The following FGF14 variants were observed in gnomAD, a reference collection of about 807,000 sequenced individuals.
FGF14 encodes fibroblast growth factor 14.
A neutral mutation model predicts 25.5 loss-of-function variants in FGF14; 5 were observed. The ratio of observed to expected loss-of-function variants is 0.20; its 90% confidence interval spans 0.10 to 0.41. The LOEUF (loss-of-function observed/expected upper bound fraction) is 0.41, where lower values mean the gene tolerates loss of function less well. Among genes scored for constraint, FGF14 ranks in the 10% least tolerant of loss-of-function variants. The probability of loss-of-function intolerance (pLI) is 1.00; values close to 1 mark genes in which losing one functional copy is unlikely to be tolerated. For missense variants in FGF14, 222 were observed against 320.1 expected (o/e 0.69, Z 2.34); for synonymous variants, 138 against 118.3 (o/e 1.17, Z -1.08).
At chr13:102,027,735 A>C (rs935949304) in intron 1 of FGF14, among the ~76,000 whole-genome samples, 1 of 151,966 alleles carries the variant, frequency 6.6e-6, no homozygotes, top group Non-Finnish European at 1.5e-5. Context: ...AGTTTAGGAC[A>C]TTGTTGGAAT....
chr13:101,992,832 G>C (rs1292868488), intron 1 of FGF14, among the ~76,000 whole-genome samples: 1 of 151,818 alleles, frequency 6.6e-6, no homozygotes, highest in Non-Finnish European at 1.5e-5. Flanking sequence ...CCAGGAATTG[G>C]GGAATAATTA....
At chr13:101,773,008 T>C (rs1162964160) in intron 3 of FGF14, among the ~76,000 whole-genome samples, 1 of 152,082 alleles carries the variant, frequency 6.6e-6, no homozygotes, top group African/African-American at 2.4e-5. Flanking sequence ...GAAGCCATTG[T>C]TTTTGATTAA....
chr13:102,240,189 T>C (rs550875303), intron 1 of FGF14, among the ~76,000 whole-genome samples: 1 of 152,304 alleles, frequency 6.6e-6, no homozygotes, highest in African/African-American at 2.4e-5. Context: ...ATAACATATA[T>C]AACTCTCAGC....
chr13:102,017,765 T>C (rs2040422560), intron 1 of FGF14, among the ~76,000 whole-genome samples: 1 of 152,174 alleles, frequency 6.6e-6, no homozygotes, highest in African/African-American at 2.4e-5. Context: ...TTGGAGCTTC[T>C]GGATCTATCC....
chr13:102,218,785 TATATGA>T (rs1285601824), intron 1 of FGF14, among the ~76,000 whole-genome samples: 1 of 152,204 alleles, frequency 6.6e-6, no homozygotes, highest in Non-Finnish European at 1.5e-5. Context: ...TATATGCATT[TATATGA>T]ATATGTAGTA....
intron 1 of FGF14, among the ~76,000 whole-genome samples, chr13:102,095,289 A>T (rs1450503299): frequency 2.6e-5 from 4 of 152,134 alleles, no homozygotes; most frequent in Non-Finnish European, 4.4e-5. Context: ...AGAGTAGAGA[A>T]ATTAACAGAA....
intron 3 of FGF14, among the ~76,000 whole-genome samples, chr13:101,856,252 G>C (rs2044119564): frequency 6.6e-6 from 1 of 151,716 alleles, no homozygotes; most frequent in South Asian, 2.1e-4. Flanking sequence ...CTTTTGAATG[G>C]TTTAAAAGTT....
Position 101,886,770 on chromosome 13 carries a change from G to A in FGF14, c.194-11474C>T, listed in dbSNP as rs559985847. 8.5e-5 allele frequency among the ~76,000 whole-genome samples: 13 copies of A among 152,170 alleles called. No individual in the cohort carries two copies. In the East Asian group the frequency reaches 2.5e-3, roughly 29 times the overall value. On this transcript the variant is annotated intron_variant, in intron 1 of 4. Transcript: ENST00000376143. ...AGAATGGAGACACAACCTACAGAAT[G>A]AGAAAATATTTGCCAACTATCTATC...
At chr13:102,219,438 G>A (rs2050515058) in intron 1 of FGF14, among the ~76,000 whole-genome samples, 1 of 152,150 alleles carries the variant, frequency 6.6e-6, no homozygotes, top group Non-Finnish European at 1.5e-5. Flanking sequence ...CTACTGCTGA[G>A]TGAAATTCTT....
At chr13:102,202,626 T>C (rs1358334997) in intron 1 of FGF14, among the ~76,000 whole-genome samples, 1 of 152,256 alleles carries the variant, frequency 6.6e-6, no homozygotes, top group Non-Finnish European at 1.5e-5. Context: ...CTTAGCAGTA[T>C]GGCTGTTGCT....
chr13:102,386,526 A>G (rs1227988442), intron 1 of FGF14, among the ~76,000 whole-genome samples: 1 of 152,232 alleles, frequency 6.6e-6, no homozygotes, highest in African/African-American at 2.4e-5. Flanking sequence ...AAACTGTAAC[A>G]CTAAAAGGAA....
chr13:102,010,290 T>C (rs2040010944), intron 1 of FGF14, among the ~76,000 whole-genome samples: 1 of 152,138 alleles, frequency 6.6e-6, no homozygotes, highest in Non-Finnish European at 1.5e-5. Flanking sequence ...ACAGTTAAAA[T>C]GGCAGCATAT....
chr13:102,306,349 T>G (rs759709211), intron 1 of FGF14, among the ~76,000 whole-genome samples: 3 of 152,060 alleles, frequency 2.0e-5, no homozygotes, highest in African/African-American at 7.2e-5. Context: ...CAGTGGGAGA[T>G]TCAAGCATAC....
At chr13:101,915,177 T>A (rs1432887538) in intron 1 of FGF14, among the ~76,000 whole-genome samples, 1 of 152,218 alleles carries the variant, frequency 6.6e-6, no homozygotes, top group Non-Finnish European at 1.5e-5. Context: ...GCAAGTAATC[T>A]CCAATTTCTT....
At chr13:102,183,018 C>T (rs2048737583) in intron 1 of FGF14, among the ~76,000 whole-genome samples, 1 of 152,040 alleles carries the variant, frequency 6.6e-6, no homozygotes, top group Non-Finnish European at 1.5e-5. Flanking sequence ...GGAGTGCTGA[C>T]TTAAATTTCT....
At chr13:102,373,663 T>G (rs1032609100) in intron 1 of FGF14, 1 of 152,198 alleles carries the variant, frequency 6.6e-6, no homozygotes, top group Admixed American at 6.6e-5. Context: ...ATTGGTGAGC[T>G]TGATTTGTGT....
At chr13:101,798,318 G>A (rs1203767194) in intron 3 of FGF14, among the ~76,000 whole-genome samples, 1 of 152,084 alleles carries the variant, frequency 6.6e-6, no homozygotes, top group African/African-American at 2.4e-5. Flanking sequence ...CAAGGAAGGA[G>A]GTAAGAATTT....
chr13:102,154,181 C>G (rs907190544), intron 1 of FGF14, among the ~76,000 whole-genome samples: 1 of 152,068 alleles, frequency 6.6e-6, no homozygotes, highest in Non-Finnish European at 1.5e-5. Flanking sequence ...CAAAGATACT[C>G]CCCGAGAAGA....
intron 1 of FGF14, among the ~76,000 whole-genome samples, chr13:102,301,742 T>G (rs1341471748): frequency 6.6e-6 from 1 of 151,714 alleles, no homozygotes; most frequent in Non-Finnish European, 1.5e-5. Flanking sequence ...TAACCTCAAG[T>G]GCGCCTTTAG....
Sources: gnomAD v4.1 joint callset for allele counts (sites outside exome capture counted in the v4.1 genomes callset) on GRCh38, gnomAD v4.1.1 for gene constraint, MANE v1.5 for transcripts, NCBI Gene and HGNC (gene_info 2026-07-23, HGNC 2026-07-21) for gene names.